Variants in OR14I1 observed in about 807,000 individuals in gnomAD.
The protein encoded by OR14I1 is olfactory receptor 14I1.
For synonymous variants in OR14I1, 118 were observed against 71.1 expected, an observed-to-expected ratio of 1.66 and a Z score of -3.32; for missense variants, 279 against 181.8, an observed-to-expected ratio of 1.53 and a Z score of -3.07.
chr1:248,696,844 G>C, the OR14I1 span, among the ~76,000 whole-genome samples: 2 of 152,100 alleles, frequency 1.3e-5, no homozygotes, highest in Non-Finnish European at 2.9e-5. Context: ...CATAATGGCA[G>C]GGATTTTTAT....
upstream of OR14I1, among the ~76,000 whole-genome samples, chr1:248,683,148 G>A (rs1308620252): frequency 6.6e-6 from 1 of 152,174 alleles, no homozygotes; most frequent in Admixed American, 6.5e-5. Context: ...GCCAGCACCT[G>A]AGCCAGCATT....
chr1:248,691,592 A>T, the OR14I1 span, among the ~76,000 whole-genome samples: 1 of 152,236 alleles, frequency 6.6e-6, no homozygotes, highest in African/African-American at 2.4e-5. Context: ...CAATCGTCAG[A>T]ACTGTGGAAC....
chr1:248,701,921 G>A, the OR14I1 span, among the ~76,000 whole-genome samples: 2 of 152,182 alleles, frequency 1.3e-5, no homozygotes, highest in Admixed American at 1.3e-4. Context: ...GGTTCTGCAG[G>A]CTGTACAGGA....
the OR14I1 span, among the ~76,000 whole-genome samples, chr1:248,697,613 C>T: frequency 2.0e-5 from 3 of 151,956 alleles, no homozygotes; most frequent in East Asian, 1.9e-4. Flanking sequence ...GGAGAAACCC[C>T]GTCCCTACTA....
At chr1:248,678,571 A>C (rs544170804), downstream of OR14I1, among the ~76,000 whole-genome samples, 100 of 152,334 alleles carry the variant, frequency 6.6e-4, no homozygotes, top group African/African-American at 2.4e-3. Context: ...AAATTTATGA[A>C]GTTTTAATTC....
chr1:248,684,675 C>T (rs1661614017), upstream of OR14I1, among the ~76,000 whole-genome samples: 3 of 152,040 alleles, frequency 2.0e-5, no homozygotes, highest in South Asian at 4.1e-4. Context: ...ACCCCACAAA[C>T]TATTACACAA....
chr1:248,687,245 C>G (rs374488740), upstream of OR14I1, among the ~76,000 whole-genome samples: 22 of 152,328 alleles, frequency 1.4e-4, no homozygotes, highest in African/African-American at 5.3e-4. Context: ...AAAACCCAGA[C>G]ATTTAAGTAC....
the OR14I1 span, chr1:248,692,279 A>T: frequency 6.5e-6 from 1 of 153,014 alleles, no homozygotes; most frequent in African/African-American, 2.4e-5. Flanking sequence ...GCATTCCCGC[A>T]TTCCCAGGTT....
At chr1:248,696,471 A>AT in the OR14I1 span, among the ~76,000 whole-genome samples, 30 of 152,292 alleles carry the variant, frequency 2.0e-4, no homozygotes, top group Non-Finnish European at 4.1e-4. Context: ...GAAGCGGGGA[A>AT]TCAGTCGACT....
At chr1:248,695,525 G>A in the OR14I1 span, among the ~76,000 whole-genome samples, 94 of 152,202 alleles carry the variant, frequency 6.2e-4, no homozygotes, top group Non-Finnish European at 1.2e-3. Context: ...GAGCCACTGC[G>A]CCCGGCCGAA....
At chr1:248,691,578 C>A in the OR14I1 span, among the ~76,000 whole-genome samples, 2 of 152,242 alleles carry the variant, frequency 1.3e-5, no homozygotes, top group African/African-American at 4.8e-5. Flanking sequence ...CCTCCAAGTT[C>A]TTCCAATCGT....
chr1:248,683,644 T>C (rs946961716), upstream of OR14I1, among the ~76,000 whole-genome samples: 2 of 152,252 alleles, frequency 1.3e-5, no homozygotes, highest in African/African-American at 2.4e-5. Context: ...CTATGTTTAA[T>C]GAAAAAATTT....
At chr1:248,680,023 A>G (rs1007962239), downstream of OR14I1, among the ~76,000 whole-genome samples, 2 of 152,238 alleles carry the variant, frequency 1.3e-5, no homozygotes, top group Admixed American at 1.3e-4. Context: ...CATATTAAGC[A>G]TTCAAGTAAA....
chr1:248,701,591 T>C, the OR14I1 span, among the ~76,000 whole-genome samples: 1 of 152,244 alleles, frequency 6.6e-6, no homozygotes, highest in Non-Finnish European at 1.5e-5. Flanking sequence ...TGTGATAACT[T>C]TCATTATGAT....
chr1:248,687,599 A>G, the OR14I1 span, among the ~76,000 whole-genome samples: 1 of 152,250 alleles, frequency 6.6e-6, no homozygotes, highest in Non-Finnish European at 1.5e-5. Context: ...GTCTTAATAT[A>G]AAAACTTAAG....
At chr1:248,681,317 A>G (rs761666908), downstream of OR14I1, 2 of 625,312 alleles carry the variant, frequency 3.2e-6, no homozygotes, top group Non-Finnish European at 5.7e-6. Context: ...TAAAGTATTT[A>G]TGCTTTTTTG....
At chr1:248,701,411 C>G in the OR14I1 span, among the ~76,000 whole-genome samples, 57 of 152,310 alleles carry the variant, frequency 3.7e-4, no homozygotes, top group Non-Finnish European at 1.0e-4. Flanking sequence ...ACCTCAGTCT[C>G]CCAAAGGGCT....
chr1:248,697,514 G>A, the OR14I1 span, among the ~76,000 whole-genome samples: 1 of 151,668 alleles, frequency 6.6e-6, no homozygotes. Flanking sequence ...GCCGGGCGCG[G>A]TAGCTCATGC....
the OR14I1 span, among the ~76,000 whole-genome samples, chr1:248,690,043 C>T: frequency 1.6e-4 from 25 of 152,134 alleles, no homozygotes; most frequent in African/African-American, 5.1e-4. Context: ...AACAAAGACA[C>T]AACACACCAG....
Sources: gnomAD v4.1 joint callset for allele counts (sites outside exome capture counted in the v4.1 genomes callset) on GRCh38, gnomAD v4.1.1 for gene constraint, MANE v1.5 for transcripts, NCBI Gene and HGNC (gene_info 2026-07-23, HGNC 2026-07-21) for gene names.